LHX2: variants seen among roughly 807,000 people sequenced by gnomAD.
LHX2 encodes LIM homeobox 2, also known as LIM/homeobox protein Lhx2.
A neutral mutation model predicts 33.0 loss-of-function variants in LHX2; 6 were observed. The observed-to-expected ratio is 0.18, with a 90% CI of 0.10 to 0.36. LHX2 has a LOEUF of 0.36. Among genes scored for constraint, LHX2 ranks in the 10% least tolerant of loss-of-function variants. The pLI, the probability that LHX2 is intolerant of heterozygous loss-of-function variation, is 1.00. For missense variants in LHX2, 442 were observed against 586.2 expected (o/e 0.75, Z 2.54); for synonymous variants, 292 against 253.1 (o/e 1.15, Z -1.46).
At chr9:124,026,424 G>A (rs1588351180) in intron 4 of LHX2, among the ~76,000 whole-genome samples, 1 of 149,176 alleles carries the variant, frequency 6.7e-6, no homozygotes, top group East Asian at 2.0e-4. Flanking sequence ...TTGCACCACT[G>A]TACTCCAGCC....
chr9:124,022,447 A>C (rs1859309635), intron 4 of LHX2, among the ~76,000 whole-genome samples: 3 of 152,224 alleles, frequency 2.0e-5, no homozygotes, highest in African/African-American at 7.2e-5. Flanking sequence ...GCCTCCCTTG[A>C]TAGCAAGTTT....
rs1390210370 is a variant in LHX2, at chr9:124,011,840, A to T, written c.-509A>T. ...TACTCCAGTCGCCGACTCAGCGCCC[A>T]AGAGGGTCGCCTTGGGCTGGGGGCG... On this transcript the variant is annotated 5_prime_UTR_variant, in exon 1 of 5. Transcript: ENST00000373615. 2.0e-5 allele frequency: 3 copies of T among 151,964 alleles called. No individual in the cohort carries two copies. The highest frequency in any genetic ancestry group is 7.3e-5 in the African/African-American group (3 of 41,224). 9.4% of individuals were successfully genotyped at this position (151,964 alleles called of 1,614,324 possible). A position where few individuals can be genotyped will look rare whatever the true frequency, so the allele number is the denominator to read the frequency against.
Position 124,013,986 on chromosome 9 carries a change from G to A in LHX2, c.146G>A (p.Arg49His). 2 of 1,613,128 alleles carry A rather than the reference G, an allele frequency of 1.2e-6. No individual in the cohort carries two copies. Among genetic ancestry groups the A allele is most frequent in the Non-Finnish European group, 1.7e-6 (2 of 1,179,968 alleles). The change falls in exon 2 of 5, where the codon CGC becomes CAC. Residue 49 changes from arginine to histidine, a missense_variant. By Grantham distance (29) the Arg-to-His change is conservative. Around this residue, in one of 5 missense-constraint regions of LHX2, gnomAD observed 97 missense variants for 81.5 expected, o/e 1.19. Coordinates refer to ENST00000373615, the MANE Select transcript of LHX2 (RefSeq NM_004789.4). Reference sequence around the variant, plus strand: ...ACCATGCCGTCCATCAGCAGTGACCGCGCCGCGCTGTGCGCCGGCTGCGGG... The same window carrying A: ...ACCATGCCGTCCATCAGCAGTGACCACGCCGCGCTGTGCGCCGGCTGCGGG... The part of the protein sequence containing the change: ...ETTMPSISSD[R>H]AALCAGCGGK...
At chr9:124,019,250 GCTAACAGCTC>G (rs1859250771) in intron 3 of LHX2, among the ~76,000 whole-genome samples, 1 of 152,216 alleles carries the variant, frequency 6.6e-6, no homozygotes, top group Non-Finnish European at 1.5e-5. Flanking sequence ...GTAGCCCCTA[GCTAACAGCTC>G]CAAAGGCAGG....
At chr9:124,020,746 A>G (rs1859277484) in intron 3 of LHX2, among the ~76,000 whole-genome samples, 2 of 152,156 alleles carry the variant, frequency 1.3e-5, no homozygotes, top group Non-Finnish European at 2.9e-5. Flanking sequence ...AAGCCCTTTA[A>G]CACATCACCT....
chr9:124,021,391 C>G (rs1280635740), intron 4 of LHX2, 87 bp downstream of exon 4: 9 of 1,151,236 alleles, frequency 7.8e-6, no homozygotes, highest in Non-Finnish European at 1.0e-5. Flanking sequence ...CTTGGAAGGA[C>G]CTTCCACCCT....
rs962472250 is a variant in LHX2, at chr9:124,013,815, G to T, written c.121-146G>T. ...ATGGAAATGGGCCTTTTGGGGTGGGGGGAAGCGCGCCGCATGTCCTGGCAG... is the reference window on the plus strand; with the variant it reads ...ATGGAAATGGGCCTTTTGGGGTGGGTGGAAGCGCGCCGCATGTCCTGGCAG... On this transcript the variant is annotated intron_variant, in intron 1 of 4. Transcript: ENST00000373615. 5 of 721,750 alleles carry T rather than the reference G, an allele frequency of 6.9e-6. No homozygotes were observed. The South Asian group carries it at 8.9e-5, about 13-fold the overall frequency. 44.7% of individuals were successfully genotyped at this position (721,750 alleles called of 1,614,324 possible).
At position 124,016,702 on chromosome 9, in the gene LHX2, C is replaced by T. The variant is rs1859196701; in HGVS notation, c.727+1177C>T. Among the ~76,000 whole-genome samples the T allele has an allele frequency of 6.6e-6, 1 of 152,094 alleles. No homozygotes were observed. Among genetic ancestry groups the T allele is most frequent in the Admixed American group, 6.5e-5 (1 of 15,272 alleles). ...GCTTGGAGGATCATGGGGCGTGTGT[C>T]CCTGTGTGCGGAACTGGGAGGAAAA... On this transcript the variant is annotated intron_variant, in intron 3 of 4. Transcript: ENST00000373615. This position sits in a 1 kb window ranked among gnomAD's most constrained non-coding sequence, Gnocchi z 4.4.
In LHX2 at chr9:124,016,951, G is replaced by C. The variant is rs1170159900; in HGVS notation, c.727+1426G>C. Among the ~76,000 whole-genome samples the C allele has an allele frequency of 1.3e-5, 2 of 152,188 alleles. No homozygotes were observed. The highest frequency in any genetic ancestry group is 2.9e-5 in the Non-Finnish European group (2 of 68,038). On this transcript the variant is annotated intron_variant, in intron 3 of 4. Transcript: ENST00000373615. The surrounding 1 kb of genome is among the most constrained non-coding windows in gnomAD (Gnocchi z 4.4). ...CAACTTCCACTCGGAAGCACCTCGC[G>C]GGGCTCGGCTCCAGGGCACCTGGTG...
Position 124,015,049 on chromosome 9 carries a change from C to A in LHX2, c.324-73C>A. 3 of 1,550,182 alleles carry A rather than the reference C, an allele frequency of 1.9e-6. No homozygotes were observed. The highest frequency in any genetic ancestry group is 1.2e-5 in the South Asian group (1 of 85,972). On this transcript the variant is annotated intron_variant, in intron 2 of 4. Transcript: ENST00000373615. This position sits in a 1 kb window ranked among gnomAD's most constrained non-coding sequence, Gnocchi z 7.9. ...AGGGGATTGCCCCCCGCAGCAGCAG[C>A]GGCACCTGGAGGAGGAAAAGGGGGG...
At position 124,032,687 on chromosome 9, in the gene LHX2, A is replaced by C; in HGVS notation, c.1201A>C (p.Thr401Pro). ...GHEPHSPSQT[T>P]LTNLF Reference sequence around the variant, plus strand: ...TGAGCCTCACAGCCCCTCACAAACGACTCTTACCAACCTTTTCTAATGACT... The same window carrying C: ...TGAGCCTCACAGCCCCTCACAAACGCCTCTTACCAACCTTTTCTAATGACT... The change falls in exon 5 of 5, where the codon ACT becomes CCT. Residue 401 changes from threonine to proline, a missense_variant. Physicochemically the swap from Thr to Pro is conservative, Grantham distance 38 (BLOSUM62 -1). This residue lies in a region of LHX2 where 109 missense variants were observed against 98.7 expected (regional missense o/e 1.10). Transcript: ENST00000373615. The surrounding 1 kb of genome is among the most constrained non-coding windows in gnomAD (Gnocchi z 4.1). The C allele has an allele frequency of 6.3e-7, 1 of 1,592,140 alleles. No homozygotes were observed. The highest frequency in any genetic ancestry group is 1.7e-5 in the Admixed American group (1 of 58,548).
At chr9:124,018,541 A>C (rs894771668) in intron 3 of LHX2, among the ~76,000 whole-genome samples, 5 of 143,210 alleles carry the variant, frequency 3.5e-5, no homozygotes, top group South Asian at 2.3e-4. Flanking sequence ...CCTTTTCTCT[A>C]CTCCCCCGCC....
At chr9:124,023,314 A>AAAT (rs376530961) in intron 4 of LHX2, among the ~76,000 whole-genome samples, 3,444 of 152,130 alleles carry the variant, frequency 0.023, 71 homozygotes, top group African/African-American at 0.061. Flanking sequence ...TGTTGAGCTA[A>AAAT]AATAATAATA....
Position 124,012,335 on chromosome 9 carries a change from C to A in LHX2, c.-14C>A. On this transcript the variant is annotated 5_prime_UTR_variant, in exon 1 of 5. Transcript: ENST00000373615. The surrounding 1 kb of genome is among the most constrained non-coding windows in gnomAD (Gnocchi z 4.3). ...CGGAGGAGCCGCGCCCCCGGCCCCG[C>A]CGGTCCCGCCGCGATGCTGTTCCAC... is the stretch of plus-strand genomic sequence containing the variant. 6.7e-7 allele frequency: 1 copy of A among 1,491,000 alleles called. No individual in the cohort carries two copies. The highest frequency in any genetic ancestry group is 1.3e-5 in the South Asian group (1 of 79,830). The allele number at this position is 1,491,000 out of a possible 1,614,324, so 92.4% of individuals were successfully genotyped here.
chr9:124,025,090 C>T (rs912021769), intron 4 of LHX2, among the ~76,000 whole-genome samples: 1 of 152,178 alleles, frequency 6.6e-6, no homozygotes, highest in Non-Finnish European at 1.5e-5. Flanking sequence ...TACTCACTAT[C>T]AGTGGGCAAG....
rs765372896 is a variant in LHX2 at position 124,014,194 on chromosome 9, C to A, written c.323+31C>A. 3 of 1,390,476 alleles carry A rather than the reference C, an allele frequency of 2.2e-6. No individual in the cohort carries two copies. In the South Asian group the frequency reaches 3.5e-5, roughly 16 times the overall value. 86.1% of individuals were successfully genotyped at this position (1,390,476 alleles called of 1,614,324 possible). On this transcript the variant is annotated intron_variant, in intron 2 of 4. Coordinates refer to ENST00000373615, the MANE Select transcript of LHX2 (RefSeq NM_004789.4). This position sits in a 1 kb window ranked among gnomAD's most constrained non-coding sequence, Gnocchi z 4.8. Reference sequence around the variant, plus strand: ...CCCCCCACCCAACTGCCCCTCAGGACCCCTCCCCCCAATCTCAGGCACAGT... The same window carrying A: ...CCCCCCACCCAACTGCCCCTCAGGAACCCTCCCCCCAATCTCAGGCACAGT...
chr9:124,032,939 T>C lies in LHX2; in HGVS notation c.*232T>C, dbSNP rs1828721009. 1 of 424,266 alleles carries C rather than the reference T, an allele frequency of 2.4e-6. No individual in the cohort carries two copies. The highest frequency in any genetic ancestry group is 3.8e-5 in the East Asian group (1 of 26,520). 26.3% of individuals were successfully genotyped at this position (424,266 alleles called of 1,614,324 possible). A position where few individuals can be genotyped will look rare whatever the true frequency, so the allele number is the denominator to read the frequency against. ...ACAACATTTGTGTCACTGTACAGTT[T>C]TGTGGACTGAGCGAGGAAAAACAAC... On this transcript the variant is annotated 3_prime_UTR_variant, in exon 5 of 5. Coordinates refer to ENST00000373615, the MANE Select transcript of LHX2 (RefSeq NM_004789.4). The surrounding 1 kb of genome is among the most constrained non-coding windows in gnomAD (Gnocchi z 4.1).
In LHX2 at chr9:124,014,328, A is replaced by G. The variant is rs1859148587; in HGVS notation, c.323+165A>G. On this transcript the variant is annotated intron_variant, in intron 2 of 4. Coordinates refer to ENST00000373615, the MANE Select transcript of LHX2 (RefSeq NM_004789.4). This position sits in a 1 kb window ranked among gnomAD's most constrained non-coding sequence, Gnocchi z 4.8. Reference sequence around the variant, plus strand: ...CCAAGCCACCACAAGTTGGGTGATAACCTTTTAAAGCAGCAATTTGGGGAG... The same window carrying G: ...CCAAGCCACCACAAGTTGGGTGATAGCCTTTTAAAGCAGCAATTTGGGGAG... Among the ~76,000 whole-genome samples, 1 of 151,176 alleles carries G rather than the reference A, an allele frequency of 6.6e-6. No individual in the cohort carries two copies.
intron 4 of LHX2, among the ~76,000 whole-genome samples, chr9:124,025,162 G>A (rs2118773163): frequency 6.6e-6 from 1 of 152,342 alleles, no homozygotes; most frequent in African/African-American, 2.4e-5. Flanking sequence ...GCCTTGGCCG[G>A]GCACTGTGGC....
Sources: allele counts gnomAD v4.1 joint callset (sites outside exome capture counted in the v4.1 genomes callset), GRCh38; gene constraint gnomAD v4.1.1; regional missense constraint gnomAD v4.1.1; non-coding constraint Gnocchi (gnomAD v3.1); transcripts MANE v1.5; gene names NCBI Gene and HGNC (gene_info 2026-07-23, HGNC 2026-07-21).